The following KNL1 variants were observed in gnomAD, a reference collection of about 807,000 sequenced individuals.
KNL1 encodes the protein kinetochore scaffold 1, also known as outer kinetochore KNL1 complex subunit KNL1.
Under a neutral mutation model 201.3 loss-of-function variants are expected in KNL1, and 66 were observed. That is an observed-to-expected ratio of 0.33 (90% CI 0.27 to 0.40). The LOEUF is 0.40. KNL1 is among the 10% of genes least tolerant of loss of function. The pLI is 1.00. For missense variants in KNL1, 2,815 were observed against 2,690.5 expected, an observed-to-expected ratio of 1.05 and a Z score of -1.02; for synonymous variants, 895 against 899.2, an observed-to-expected ratio of 1.00 and a Z score of 0.08.
In KNL1 at chr15:40,611,684, A is replaced by T. The variant is rs74681913; in HGVS notation, c.284+173A>T. ...TGGCCATTGTACTGTTTATAGTTTT[A>T]ATAGTGATGAAACAATATAATATAT... On this transcript the variant is annotated intron_variant, in intron 7 of 25. Transcript: ENST00000399668. Among the ~76,000 whole-genome samples the T allele has an allele frequency of 0.013, 1,948 of 151,946 alleles. 42 individuals are homozygous for T. The highest frequency in any genetic ancestry group is 0.044 in the African/African-American group (1,844 of 41,500).
chr15:40,617,877 G>A (rs576966675), intron 8 of KNL1, among the ~76,000 whole-genome samples: 1 of 149,070 alleles, frequency 6.7e-6, no homozygotes, highest in South Asian at 2.1e-4. Flanking sequence ...CATTTGAGGT[G>A]TGTTCGTTTG....
chr15:40,639,045 G>C (rs1893143874), intron 13 of KNL1, among the ~76,000 whole-genome samples: 1 of 151,718 alleles, frequency 6.6e-6, no homozygotes, highest in Admixed American at 6.6e-5. Flanking sequence ...CGCCTGCCCT[G>C]GCCTCCCAAA....
chr15:40,636,577 C>G (rs569247589), intron 13 of KNL1, among the ~76,000 whole-genome samples: 59 of 152,144 alleles, frequency 3.9e-4, no homozygotes, highest in African/African-American at 1.4e-3. Context: ...ACCTGTAATC[C>G]CAGTACTTTG....
intron 1 of KNL1, among the ~76,000 whole-genome samples, chr15:40,601,799 G>A (rs1380165025): frequency 7.7e-6 from 1 of 129,774 alleles, no homozygotes; most frequent in Non-Finnish European, 1.6e-5. Flanking sequence ...CTGCTCTCCA[G>A]CCTGGGCGAC....
chr15:40,617,012 G>A (rs117340862), intron 8 of KNL1, among the ~76,000 whole-genome samples: 1 of 152,006 alleles, frequency 6.6e-6, no homozygotes, highest in Non-Finnish European at 1.5e-5. Flanking sequence ...GAGGTGGTGC[G>A]ATCTTGGCTC....
intron 14 of KNL1, 145 bp downstream of exon 14, chr15:40,641,172 T>C (rs1475716872): frequency 1.8e-6 from 1 of 562,366 alleles, no homozygotes; most frequent in East Asian, 3.1e-5. Flanking sequence ...AGAAAGAGCT[T>C]TGGCCTCGTA....
rs1892066143 is a variant in KNL1, at chr15:40,608,925, A to G, written c.197+17A>G. On this transcript the variant is annotated intron_variant, in intron 5 of 25. Coordinates refer to ENST00000399668, the MANE Select transcript of KNL1 (RefSeq NM_144508.5). Reference sequence around the variant, plus strand: ...TACTATAAAGTAAGTTGAAAGCAGAAATAACTAAAATATTATAGGTACTGG... The same window carrying G: ...TACTATAAAGTAAGTTGAAAGCAGAGATAACTAAAATATTATAGGTACTGG... 6.4e-7 allele frequency: 1 copy of G among 1,555,120 alleles called. No homozygotes were observed. Among genetic ancestry groups the G allele is most frequent in the Admixed American group, 1.7e-5 (1 of 59,266 alleles).
chr15:40,637,211 T>TCTTCACTTTTTTTCTTTC (rs1931537339), intron 13 of KNL1, among the ~76,000 whole-genome samples: 1 of 151,084 alleles, frequency 6.6e-6, no homozygotes, highest in African/African-American at 2.4e-5. Context: ...ATTTTTTTAA[T>TCTTCACTTTTTTTCTTTC]CTTCACTTTT....
chr15:40,606,781 A>G (rs1212815112), intron 4 of KNL1, among the ~76,000 whole-genome samples: 1 of 152,104 alleles, frequency 6.6e-6, no homozygotes, highest in Non-Finnish European at 1.5e-5. Flanking sequence ...ATTTATTTAG[A>G]AACAGGGTCT....
At chr15:40,603,308 A>G (rs531769999) in intron 2 of KNL1, among the ~76,000 whole-genome samples, 2 of 152,076 alleles carry the variant, frequency 1.3e-5, no homozygotes, top group African/African-American at 4.8e-5. Context: ...TCATTGTTCA[A>G]TTTCCACCTA....
At chr15:40,634,414 A>G (rs1892998722) in intron 13 of KNL1, among the ~76,000 whole-genome samples, 1 of 152,238 alleles carries the variant, frequency 6.6e-6, no homozygotes, top group African/African-American at 2.4e-5. Context: ...GCGTGAATAT[A>G]CTTTAAAATT....
chr15:40,652,583 C>A (rs4410047), intron 21 of KNL1, among the ~76,000 whole-genome samples: 58,381 of 150,562 alleles, frequency 0.39, 11,507 homozygotes, highest in Middle Eastern at 0.47. Flanking sequence ...CGGCCTGGCC[C>A]ACATGGTGAG....
At chr15:40,647,455 C>CAG (rs1421513324) in intron 17 of KNL1, among the ~76,000 whole-genome samples, 1 of 152,002 alleles carries the variant, frequency 6.6e-6, no homozygotes, top group Non-Finnish European at 1.5e-5. Flanking sequence ...GCCTGGGTGG[C>CAG]AGAGCGAGAC....
chr15:40,641,864 G>A (rs922499687), intron 14 of KNL1, among the ~76,000 whole-genome samples: 4 of 152,166 alleles, frequency 2.6e-5, no homozygotes, highest in Admixed American at 1.3e-4. Flanking sequence ...ATGGTTTTAC[G>A]TAGAAGATAG....
chr15:40,656,006 G>A lies in KNL1; in HGVS notation c.6484+1029G>A, dbSNP rs116214212. 5.5e-4 allele frequency among the ~76,000 whole-genome samples: 84 copies of A among 152,188 alleles called. 1 individual carries two copies. The highest frequency in any genetic ancestry group is 1.9e-3 in the African/African-American group (81 of 41,552). On this transcript the variant is annotated intron_variant, in intron 22 of 25. Coordinates refer to ENST00000399668, the MANE Select transcript of KNL1 (RefSeq NM_144508.5). ...TAAAAATTACTGTTATGAGCACTTA[G>A]TCTGTATCAGGCATGTGTATTACTT...
chr15:40,627,998 TTC>T (rs762444709), intron 10 of KNL1, 70 bp from the exon 11 acceptor site: 31 of 1,004,096 alleles, frequency 3.1e-5, no homozygotes, highest in Admixed American at 8.1e-5. Flanking sequence ...GAAGTAGTAT[TTC>T]TGTTAGTGTT....
In KNL1 at chr15:40,623,873, G is replaced by A. The variant is rs1892639333; in HGVS notation, c.3609G>A (p.Lys1203=). The part of the protein sequence containing the change: ...KGKNLGVSFP[K]DNSCVQEIAE... ...AAAACTTGGGTGTTTCCTTTCCTAA[G>A]GATAATAGCTGTGTTCAAGAAATCG... Residue 1203 remains lysine (K), a synonymous_variant, in exon 10 of 26, where the codon AAG becomes AAA. Coordinates refer to ENST00000399668, the MANE Select transcript of KNL1 (RefSeq NM_144508.5). The A allele has an allele frequency of 6.2e-7, 1 of 1,613,622 alleles. No individual in the cohort carries two copies.
intron 17 of KNL1, chr15:40,649,999 C>T (rs1287952928): frequency 1.6e-5 from 3 of 192,046 alleles, no homozygotes; most frequent in Non-Finnish European, 3.2e-5. Context: ...TTCAGAGTCC[C>T]TAGGACTATA....
intron 1 of KNL1, among the ~76,000 whole-genome samples, chr15:40,600,935 C>T (rs1891771530): frequency 6.6e-6 from 1 of 152,202 alleles, no homozygotes; most frequent in Non-Finnish European, 1.5e-5. Context: ...GTGCTATTTT[C>T]ATGTGTTAAA....
Sources: allele counts gnomAD v4.1 joint callset (sites outside exome capture counted in the v4.1 genomes callset), GRCh38; gene constraint gnomAD v4.1.1; transcripts MANE v1.5; gene names NCBI Gene and HGNC (gene_info 2026-07-23, HGNC 2026-07-21).